CD163L1: variants seen among roughly 807,000 people sequenced by gnomAD.
CD163L1 encodes CD163 molecule like 1, also known as scavenger receptor cysteine-rich type 1 protein M160.
In CD163L1, 124 loss-of-function variants were observed where a neutral mutation model predicts 165.4. The observed-to-expected ratio is 0.75, with a 90% confidence interval of 0.65 to 0.87. The LOEUF is 0.87. CD163L1 is among the 40% of genes least tolerant of loss of function. CD163L1 has a pLI of 0.00. For synonymous variants in CD163L1, 585 were observed against 662.2 expected (o/e 0.88, Z 1.79); for missense variants, 1,525 against 1,799.9 (o/e 0.85, Z 2.76).
the CD163L1 span, chr12:7,323,324 G>A: frequency 6.2e-7 from 1 of 1,607,918 alleles, no homozygotes; most frequent in Non-Finnish European, 8.5e-7. Context: ...GGTAGGTTGA[G>A]AAAATATCTG....
chr12:7,335,070 G>A, the CD163L1 span, among the ~76,000 whole-genome samples: 2 of 152,056 alleles, frequency 1.3e-5, no homozygotes, highest in Non-Finnish European at 2.9e-5. Flanking sequence ...TACTGCCCAA[G>A]GTAATTTATA....
chr12:7,395,217 G>A (rs1312876332), intron 8 of CD163L1, among the ~76,000 whole-genome samples: 2 of 152,176 alleles, frequency 1.3e-5, no homozygotes, highest in Non-Finnish European at 2.9e-5. Flanking sequence ...GTGATAGACT[G>A]GATTAAGAAA....
At chr12:7,340,072 T>C in the CD163L1 span, among the ~76,000 whole-genome samples, 5 of 152,242 alleles carry the variant, frequency 3.3e-5, no homozygotes, top group East Asian at 1.9e-4. Context: ...TTTTCTGCTG[T>C]CTTTTTGGCT....
intron 1 of CD163L1, among the ~76,000 whole-genome samples, chr12:7,442,517 A>G (rs963990928): frequency 1.3e-5 from 2 of 152,190 alleles, no homozygotes; most frequent in East Asian, 1.9e-4. Context: ...TTATTATTAC[A>G]ATTATCATCA....
rs752252613 is a variant in CD163L1 at position 7,406,637 on chromosome 12, C to T, written c.982G>A (p.Gly328Ser). 17 of 1,614,034 alleles carry T rather than the reference C, an allele frequency of 1.1e-5. No individual in the cohort carries two copies. The highest frequency in any genetic ancestry group is 1.4e-5 in the Non-Finnish European group (17 of 1,179,990). ...QSGSDVVWLD[G>S]VSCSGNESFL... Reference sequence around the variant, plus strand: ...GATTCATTACCGGAGCAGGAGACACCATCAAGCCATACAACATCAGACCCT... The same window carrying T: ...GATTCATTACCGGAGCAGGAGACACTATCAAGCCATACAACATCAGACCCT... The change falls in exon 5 of 20, where the codon GGT becomes AGT. Residue 328 changes from glycine to serine, a missense_variant. Coordinates refer to ENST00000313599, the MANE Select transcript of CD163L1 (RefSeq NM_174941.6).
chr12:7,356,496 A>T (rs757388633), intron 19 of CD163L1, among the ~76,000 whole-genome samples: 1 of 152,268 alleles, frequency 6.6e-6, no homozygotes, highest in South Asian at 2.1e-4. Context: ...ATATTCCATA[A>T]TAAAAATCAG....
intron 18 of CD163L1, among the ~76,000 whole-genome samples, chr12:7,365,886 A>G (rs1947007968): frequency 1.3e-5 from 2 of 152,142 alleles, no homozygotes; most frequent in Admixed American, 1.3e-4. Flanking sequence ...GTATTACTAT[A>G]CAATTCAGCA....
the CD163L1 span, among the ~76,000 whole-genome samples, chr12:7,318,960 C>T: frequency 2.0e-5 from 3 of 152,150 alleles, no homozygotes; most frequent in Non-Finnish European, 4.4e-5. Flanking sequence ...TTCCCATGGA[C>T]TAGGGGGAGC....
At chr12:7,349,944 C>A (rs1162835672) in intron 4 of CD163L1, among the ~76,000 whole-genome samples, 2 of 152,082 alleles carry the variant, frequency 1.3e-5, no homozygotes. Context: ...ATTACCCATA[C>A]CCCCTCTTCC....
At chr12:7,409,548 A>G (rs1306747281) in intron 4 of CD163L1, among the ~76,000 whole-genome samples, 3 of 152,146 alleles carry the variant, frequency 2.0e-5, no homozygotes, top group Non-Finnish European at 2.9e-5. Flanking sequence ...TGAGAATCTA[A>G]TGCCAGCCCT....
At chr12:7,428,125 C>G (rs546641144) in intron 4 of CD163L1, among the ~76,000 whole-genome samples, 2 of 152,036 alleles carry the variant, frequency 1.3e-5, no homozygotes, top group African/African-American at 4.8e-5. Flanking sequence ...GTAACTGAAG[C>G]CAAACAACTT....
At chr12:7,343,784 C>G (rs1419361736), downstream of CD163L1, among the ~76,000 whole-genome samples, 1 of 152,160 alleles carries the variant, frequency 6.6e-6, no homozygotes, top group Admixed American at 6.5e-5. Flanking sequence ...TCTTGCCCCC[C>G]AAATCTTATG....
intron 6 of CD163L1, among the ~76,000 whole-genome samples, chr12:7,402,290 T>C (rs1390966917): frequency 6.6e-6 from 1 of 152,118 alleles, no homozygotes; most frequent in African/African-American, 2.4e-5. Flanking sequence ...ATGCAAATGT[T>C]ATAGCAAGTG....
Position 7,403,825 on chromosome 12 carries a change from T to A in CD163L1, c.1118A>T (p.Asp373Val), listed in dbSNP as rs755601724. The stretch of plus-strand genomic sequence containing the variant: ...TCTCCCTGAACAATTGTTACTTCCA[T>A]CTGCTAGTCGCAGTTCCAAATCTGC... ...DGADLELRLA[D>V]GSNNCSGRVE... is the part of the protein sequence containing the mutation. Residue 373 changes from aspartate to valine, a missense_variant, in exon 6 of 20, where the codon GAT (aspartate) becomes GTT (valine). Physicochemically the swap from Asp to Val is radical, Grantham distance 152. Transcript: ENST00000313599. The A allele has an allele frequency of 6.2e-7, 1 of 1,613,510 alleles. No individual in the cohort carries two copies. Among genetic ancestry groups the A allele is most frequent in the Non-Finnish European group, 8.5e-7 (1 of 1,179,834 alleles).
rs34390248 is a variant in CD163L1, at chr12:7,373,570, A to T, written c.3480T>A (p.Tyr1160Ter). 7.7e-4 allele frequency: 1,247 copies of T among 1,613,994 alleles called. 1 individual carries two copies. Among genetic ancestry groups the T allele is most frequent in the Non-Finnish European group, 9.5e-4 (1,119 of 1,179,902 alleles). ...TGCCGACGCTGCCCCAGGTCCCGTT[A>T]TAGAAGACTTCCAATCTCCCAGCAC... The part of the protein sequence containing the change: ...ESCAGRLEVF[Y>*]NGTWGSVGRR... Residue 1160 changes from tyrosine to a stop codon, truncating the protein, a stop_gained, in exon 14 of 20, where the codon TAT (tyrosine) becomes TAA (stop). Transcript: ENST00000313599. LOFTEE classifies it high-confidence loss of function.
chr12:7,434,373 T>C (rs1948686705), intron 2 of CD163L1, among the ~76,000 whole-genome samples: 1 of 152,070 alleles, frequency 6.6e-6, no homozygotes, highest in Admixed American at 6.5e-5. Flanking sequence ...ATCTTAAAAA[T>C]TTGAAATAAG....
Position 7,403,779 on chromosome 12 carries a change from T to C in CD163L1, c.1164A>G (p.Glu388=). The C allele has an allele frequency of 6.2e-7, 1 of 1,613,946 alleles. No homozygotes were observed. Among genetic ancestry groups the C allele is most frequent in the South Asian group, 1.1e-5 (1 of 91,082 alleles). ...CSGRVEVRIH[E]QWWTICDQNW... Reference sequence around the variant, plus strand: ...TCTGGTCACATATTGTCCACCACTGTTCATGAATTCTCACCTCTACTCTCC... The same window carrying C: ...TCTGGTCACATATTGTCCACCACTGCTCATGAATTCTCACCTCTACTCTCC... The change falls in exon 6 of 20, where the codon GAA becomes GAG. Residue 388 remains glutamate (E), a synonymous_variant. Transcript: ENST00000313599.
rs1461997363 is a variant in CD163L1, at chr12:7,437,613, G to A, written c.124+3541C>T. Among the ~76,000 whole-genome samples the A allele has an allele frequency of 2.7e-5, 4 of 150,368 alleles. No individual in the cohort carries two copies. The East Asian group carries it at 7.8e-4, about 29-fold the overall frequency. On this transcript the variant is annotated intron_variant, in intron 2 of 19. Transcript: ENST00000313599. The stretch of plus-strand genomic sequence containing the variant: ...TGGTTTTCTGCCCTTGTGATAGTCT[G>A]CTCAGAATGATGGTTTCCAGCTTCA...
At chr12:7,362,192 A>G (rs1010273416) in intron 18 of CD163L1, among the ~76,000 whole-genome samples, 1 of 142,396 alleles carries the variant, frequency 7.0e-6, no homozygotes, top group Non-Finnish European at 1.5e-5. Flanking sequence ...TTATACATAT[A>G]TAACATATAT....
Sources: allele counts gnomAD v4.1 joint callset (sites outside exome capture counted in the v4.1 genomes callset), GRCh38; gene constraint gnomAD v4.1.1; transcripts MANE v1.5; gene names NCBI Gene and HGNC (gene_info 2026-07-23, HGNC 2026-07-21).